The following SPTBN1 variants were observed in gnomAD, a reference collection of about 807,000 sequenced individuals.
SPTBN1 encodes the protein spectrin beta chain, non-erythrocytic 1.
A neutral mutation model predicts 266.4 loss-of-function variants in SPTBN1; 32 were observed. The ratio of observed to expected loss-of-function variants is 0.12; its 90% CI spans 0.09 to 0.16. The LOEUF (loss-of-function observed/expected upper bound fraction) is 0.16. Ranked by LOEUF, SPTBN1 falls within the 10% of genes least tolerant of loss-of-function variation. SPTBN1 has a pLI of 1.00. For synonymous variants in SPTBN1, 1,336 were observed against 1,162.2 expected (o/e 1.15, Z -3.04); for missense variants, 2,296 against 3,067.1 (o/e 0.75, Z 5.94).
At chr2:54,461,860 A>C (rs1042420850) in intron 1 of SPTBN1, among the ~76,000 whole-genome samples, 1 of 151,974 alleles carries the variant, frequency 6.6e-6, no homozygotes, top group Non-Finnish European at 1.5e-5. Flanking sequence ...TTTTTTTCTT[A>C]ACTCGAATTT....
chr2:54,620,075 C>T (rs2103856426), intron 7 of SPTBN1, among the ~76,000 whole-genome samples: 1 of 152,322 alleles, frequency 6.6e-6, no homozygotes, highest in East Asian at 1.9e-4. Context: ...AAAGACTTGC[C>T]ATTTTAAGTT....
At chr2:54,523,804 G>A (rs1431417362) in intron 1 of SPTBN1, among the ~76,000 whole-genome samples, 3 of 152,208 alleles carry the variant, frequency 2.0e-5, no homozygotes, top group Admixed American at 1.3e-4. Context: ...GAGGAGGCCT[G>A]CTGACTCTGG....
intron 34 of SPTBN1, among the ~76,000 whole-genome samples, chr2:54,666,467 G>A (rs1275850123): frequency 6.6e-6 from 1 of 152,192 alleles, no homozygotes; most frequent in East Asian, 1.9e-4. Flanking sequence ...GCTATTCTTT[G>A]CTCATGAATT....
At chr2:54,463,422 G>A (rs1693468044) in intron 1 of SPTBN1, among the ~76,000 whole-genome samples, 1 of 152,236 alleles carries the variant, frequency 6.6e-6, no homozygotes, top group African/African-American at 2.4e-5. Context: ...TGGAGCTGGA[G>A]AGAGGTCATG....
intron 2 of SPTBN1, among the ~76,000 whole-genome samples, chr2:54,593,368 C>G (rs1451855888): frequency 6.6e-6 from 1 of 152,108 alleles, no homozygotes; most frequent in African/African-American, 2.4e-5. Context: ...ACAGAGACAG[C>G]CTCACCACGT....
chr2:54,486,866 G>A (rs902479969), intron 1 of SPTBN1, among the ~76,000 whole-genome samples: 12 of 152,180 alleles, frequency 7.9e-5, no homozygotes, highest in Non-Finnish European at 4.4e-5. Flanking sequence ...GGTGGCAAGA[G>A]CCTTGCCGGG....
At chr2:54,499,480 T>G (rs578140455) in intron 1 of SPTBN1, among the ~76,000 whole-genome samples, 3 of 152,222 alleles carry the variant, frequency 2.0e-5, no homozygotes, top group Non-Finnish European at 4.4e-5. Context: ...GGTGACTGGT[T>G]GTTTGCGTGT....
intron 30 of SPTBN1, among the ~76,000 whole-genome samples, chr2:54,658,383 A>C (rs1680818371): frequency 6.6e-6 from 1 of 152,194 alleles, no homozygotes. Context: ...GCATGGCCTC[A>C]AAATTTTCTT....
chr2:54,551,910 T>C (rs1295482688), intron 2 of SPTBN1, among the ~76,000 whole-genome samples: 3 of 152,186 alleles, frequency 2.0e-5, no homozygotes, highest in Admixed American at 6.5e-5. Context: ...TTCTAAAATA[T>C]AGGACTTCTG....
chr2:54,597,866 C>CTTTTTTT (rs531763576), intron 2 of SPTBN1, among the ~76,000 whole-genome samples: 44 of 82,174 alleles, frequency 5.4e-4, no homozygotes, highest in Non-Finnish European at 8.7e-4. Context: ...GAGCTATCTG[C>CTTTTTTT]TTTTTTTTTT....
Position 54,645,950 on chromosome 2 carries a change from C to G in SPTBN1, c.4517C>G (p.Pro1506Arg). ...DEILWVGERM[P>R]LATSTDHGHN... ...CAGTTGTGGGTTGGAGAGAGGATGC[C>G]TTTGGCAACTTCCACGGATCATGGC... is the stretch of plus-strand genomic sequence containing the variant. The change falls in exon 22 of 36, where the codon CCT becomes CGT. Residue 1506 changes from proline (P) to arginine (R), a missense_variant. Physicochemically the swap from Pro to Arg is moderately radical, Grantham distance 103. Around this residue, in one of 12 missense-constraint regions of SPTBN1, gnomAD observed 644 missense variants for 745.3 expected, o/e 0.86. Transcript: ENST00000356805. The surrounding 1 kb of genome is among the most constrained non-coding windows in gnomAD (Gnocchi z 4.3). 1 of 1,614,172 alleles carries G rather than the reference C, an allele frequency of 6.2e-7. No homozygotes were observed. The highest frequency in any genetic ancestry group is 8.5e-7 in the Non-Finnish European group (1 of 1,180,032).
chr2:54,586,149 C>A (rs771447151), intron 2 of SPTBN1, among the ~76,000 whole-genome samples: 2 of 152,136 alleles, frequency 1.3e-5, no homozygotes, highest in Non-Finnish European at 2.9e-5. Flanking sequence ...GGTTTGGAGA[C>A]GACTTTACCC....
intron 1 of SPTBN1, among the ~76,000 whole-genome samples, chr2:54,465,644 A>ATGTT (rs1693595398): frequency 1.1e-5 from 1 of 91,726 alleles, no homozygotes; most frequent in African/African-American, 4.6e-5. Context: ...TATCTCATAT[A>ATGTT]TATATATATA....
rs1451088682 is a variant in SPTBN1 at position 54,659,148 on chromosome 2, T to C, written c.6244-6T>C. The C allele has an allele frequency of 1.2e-6, 2 of 1,613,688 alleles. No homozygotes were observed. The highest frequency in any genetic ancestry group is 1.3e-5 in the African/African-American group (1 of 74,886). ...CTCTACCAAACATCACTCTATTTTC[T>C]CTTAGTTGGAGTTACTGGAAGTGCG... On this transcript the variant is annotated splice_region_variant and splice_polypyrimidine_tract_variant and intron_variant, in intron 30 of 35. Coordinates refer to ENST00000356805, the MANE Select transcript of SPTBN1 (RefSeq NM_003128.3).
intron 1 of SPTBN1, among the ~76,000 whole-genome samples, chr2:54,477,962 G>T (rs771961516): frequency 2.6e-5 from 4 of 152,050 alleles, no homozygotes; most frequent in Admixed American, 6.6e-5. Flanking sequence ...GACTTGGGAG[G>T]ATTTGAGGCA....
chr2:54,492,050 C>T (rs1668712960), intron 1 of SPTBN1, among the ~76,000 whole-genome samples: 1 of 152,078 alleles, frequency 6.6e-6, no homozygotes, highest in Non-Finnish European at 1.5e-5. Context: ...CAAGAGACCT[C>T]AAGATAATTA....
intron 2 of SPTBN1, among the ~76,000 whole-genome samples, chr2:54,569,992 T>G: frequency 7.5e-6 from 1 of 133,020 alleles, no homozygotes; most frequent in South Asian, 2.7e-4. Flanking sequence ...TTTAGAAAGA[T>G]TAGAAGGTTC....
chr2:54,516,708 G>A (rs971124218), intron 1 of SPTBN1, among the ~76,000 whole-genome samples: 1 of 152,218 alleles, frequency 6.6e-6, no homozygotes, highest in East Asian at 1.9e-4. Context: ...AACTCAAAAT[G>A]TCTGAGACAA....
chr2:54,533,349 AGTGTGTGTGTGT>A lies in SPTBN1; in HGVS notation c.148+6818_148+6829del, dbSNP rs56027497. 0.14 allele frequency among the ~76,000 whole-genome samples: 20,240 copies of A among 141,910 alleles called. 1,468 individuals are homozygous for A. Among genetic ancestry groups the A allele is most frequent in the Middle Eastern group, 0.19 (54 of 280 alleles). The allele number at this position is 141,910 out of a possible 152,430, so 93.1% of individuals were successfully genotyped here. On this transcript the variant is annotated intron_variant, in intron 2 of 35. Transcript: ENST00000356805. The surrounding 1 kb of genome is among the most constrained non-coding windows in gnomAD (Gnocchi z 4.2). ...AGTGAAACCCAGGCTAAAGGGGACT[AGTGTGTGTGTGT>A]GTGTGTGTGTGTGTGTGTGTGTGTG...
Sources: gnomAD v4.1 joint callset for allele counts (sites outside exome capture counted in the v4.1 genomes callset) on GRCh38, gnomAD v4.1.1 for gene constraint, gnomAD v4.1.1 regional missense constraint, Gnocchi (gnomAD v3.1) non-coding constraint, MANE v1.5 for transcripts, NCBI Gene and HGNC (gene_info 2026-07-23, HGNC 2026-07-21) for gene names.